Variants in ITGB3 observed in about 807,000 individuals in gnomAD.
The protein encoded by ITGB3 is integrin subunit beta 3, also known as integrin beta-3.
A neutral mutation model predicts 85.8 loss-of-function variants in ITGB3; 48 were observed. The ratio of observed to expected loss-of-function variants is 0.56; its 90% CI spans 0.44 to 0.71. The LOEUF (loss-of-function observed/expected upper bound fraction) is 0.71, where lower values mean the gene tolerates loss of function less well. Ranked by LOEUF, ITGB3 falls within the 30% of genes least tolerant of loss-of-function variation. The pLI is 0.00. For missense variants in ITGB3, 861 were observed against 1,019.1 expected, an observed-to-expected ratio of 0.84 and a Z score of 2.11; for synonymous variants, 363 against 395.6, an observed-to-expected ratio of 0.92 and a Z score of 0.98.
intron 1 of ITGB3, among the ~76,000 whole-genome samples, chr17:47,266,480 C>T (rs971724167): frequency 2.0e-5 from 3 of 152,202 alleles, no homozygotes. Flanking sequence ...TGTCTCTCTT[C>T]TGCTTCTGTG....
chr17:47,300,785 C>G (rs760050550), intron 12 of ITGB3, among the ~76,000 whole-genome samples: 4 of 152,152 alleles, frequency 2.6e-5, no homozygotes, highest in Non-Finnish European at 4.4e-5. Context: ...GTGCAGCCAT[C>G]CACCACTTCT....
chr17:47,280,940 C>A (rs910202834), intron 2 of ITGB3, among the ~76,000 whole-genome samples: 1 of 152,194 alleles, frequency 6.6e-6, no homozygotes, highest in Non-Finnish European at 1.5e-5. Flanking sequence ...GTCAGACAAT[C>A]TAGCTGGCCT....
At chr17:47,260,458 T>C (rs1420003633) in intron 1 of ITGB3, among the ~76,000 whole-genome samples, 1 of 152,202 alleles carries the variant, frequency 6.6e-6, no homozygotes, top group East Asian at 1.9e-4. Context: ...AACTTTGCAC[T>C]AGAAGAGAGC....
At chr17:47,294,891 G>C (rs894358234) in intron 10 of ITGB3, among the ~76,000 whole-genome samples, 1 of 152,190 alleles carries the variant, frequency 6.6e-6, no homozygotes, top group Non-Finnish European at 1.5e-5. Flanking sequence ...CTAGCCCATG[G>C]CCTGTAAGCA....
In ITGB3 at chr17:47,292,181, GAGA is replaced by G. The variant is rs1017133192; in HGVS notation, c.1306_1308del (p.Lys436del). On this transcript the variant is annotated inframe_deletion, in exon 10 of 15. Coordinates refer to ENST00000559488, the MANE Select transcript of ITGB3 (RefSeq NM_000212.3). ...GGCCAAGGTGCGAGGCTGTCCCCAG[GAGA>G]AGGAGAAGTCCTTTACCATAAAGCC... The G allele has an allele frequency of 1.2e-6, 2 of 1,614,204 alleles. No homozygotes were observed. The highest frequency in any genetic ancestry group is 1.7e-6 in the Non-Finnish European group (2 of 1,180,028).
chr17:47,307,324 T>C (rs1363113758), intron 13 of ITGB3, 147 bp from the exon 14 acceptor site: 10 of 850,086 alleles, frequency 1.2e-5, no homozygotes, highest in Non-Finnish European at 1.9e-5. Flanking sequence ...GTCCTAATGA[T>C]TGTCTCCTTA....
chr17:47,299,467 C>G lies in ITGB3; in HGVS notation c.1850C>G (p.Pro617Arg), dbSNP rs761812282. The change falls in exon 11 of 15, where the codon CCG (proline) becomes CGG (arginine). Residue 617 changes from proline to arginine, a missense_variant. Transcript: ENST00000559488. The surrounding 1 kb of genome is among the most constrained non-coding windows in gnomAD (Gnocchi z 5.1). ...TGTGGCAGCTGTGTCTGTATCCAGC[C>G]GGGCTCCTATGGGGACACCTGTGAG... ...CECGSCVCIQ[P>R]GSYGDTCEKC... 1 of 1,614,218 alleles carries G rather than the reference C, an allele frequency of 6.2e-7. No individual in the cohort carries two copies.
In ITGB3 at chr17:47,300,514, C is replaced by A; in HGVS notation, c.1950C>A (p.Ala650=). ...AGTGTAAGAAGTTTGACCGGGGAGC[C>A]CTACATGACGAAAATACCTGCAACC... ...CVECKKFDRG[A]LHDENTCNRY... The change falls in exon 12 of 15, where the codon GCC becomes GCA. Residue 650 remains alanine (A), a synonymous_variant. Transcript: ENST00000559488. 6.2e-7 allele frequency: 1 copy of A among 1,614,078 alleles called. No homozygotes were observed.
chr17:47,274,229 T>C (rs1731955837), intron 1 of ITGB3, among the ~76,000 whole-genome samples, 190 bp from the exon 2 acceptor site: 1 of 152,240 alleles, frequency 6.6e-6, no homozygotes, highest in African/African-American at 2.4e-5. Context: ...GAGTTTCTCC[T>C]GATTTTCCTC....
chr17:47,291,400 T>C, intron 9 of ITGB3: 1 of 558,970 alleles, frequency 1.8e-6, no homozygotes, highest in Non-Finnish European at 3.1e-6. Flanking sequence ...TTACCTTCAG[T>C]CCCTCACCAG....
intron 1 of ITGB3, 26 bp downstream of exon 1, chr17:47,253,966 G>T: frequency 1.5e-6 from 2 of 1,362,576 alleles, no homozygotes; most frequent in Non-Finnish European, 1.9e-6. Context: ...GCTCGGCAGC[G>T]TCGCAGCTGC....
At chr17:47,309,054 C>T (rs563578064) in intron 14 of ITGB3, among the ~76,000 whole-genome samples, 64 of 145,154 alleles carry the variant, frequency 4.4e-4, no homozygotes, top group African/African-American at 1.6e-3. Flanking sequence ...TTCCCTCCTT[C>T]CTTCTTTTTT....
chr17:47,290,668 A>G (rs545614879), intron 8 of ITGB3, among the ~76,000 whole-genome samples: 253 of 151,906 alleles, frequency 1.7e-3, no homozygotes, highest in African/African-American at 5.6e-3. Context: ...CAGTATTGGC[A>G]CTCCCCTTTT....
chr17:47,304,151 C>G (rs758327008), intron 13 of ITGB3, among the ~76,000 whole-genome samples: 3 of 152,158 alleles, frequency 2.0e-5, no homozygotes, highest in African/African-American at 7.2e-5. Context: ...CTCAGCCCCC[C>G]GCAAAGTGTT....
intron 1 of ITGB3, among the ~76,000 whole-genome samples, chr17:47,265,922 A>C (rs1255371823): frequency 6.6e-6 from 1 of 152,210 alleles, no homozygotes; most frequent in Non-Finnish European, 1.5e-5. Context: ...TGCTCAGAGC[A>C]CAGAGGTATG....
rs781602325 is a variant in ITGB3, at chr17:47,290,940, C to A, written c.1126-14C>A. The A allele has an allele frequency of 1.3e-5, 21 of 1,613,896 alleles. No individual in the cohort carries two copies. The East Asian group carries it at 4.7e-4, about 36-fold the overall frequency. ...AGTTCAATTTCTTGTCTTCTTGTGC[C>A]CCTTTCTGCTCAGAAAATCCGTTCT... On this transcript the variant is annotated splice_polypyrimidine_tract_variant and intron_variant, in intron 8 of 14. Transcript: ENST00000559488.
intron 1 of ITGB3, among the ~76,000 whole-genome samples, chr17:47,267,661 C>A (rs1268667446): frequency 6.6e-6 from 1 of 152,186 alleles, no homozygotes; most frequent in African/African-American, 2.4e-5. Context: ...TCCTAAAGAA[C>A]AAATCCCAGC....
chr17:47,300,425 A>G (rs1296981430), intron 11 of ITGB3, 53 bp from the exon 12 acceptor site: 3 of 1,304,380 alleles, frequency 2.3e-6, no homozygotes, highest in East Asian at 2.3e-5. Flanking sequence ...GGACTGGGAT[A>G]CGCTTAGGCT....
At chr17:47,300,452 T>C (rs1290731094) in intron 11 of ITGB3, 26 bp from the exon 12 acceptor site, 3 of 1,572,550 alleles carry the variant, frequency 1.9e-6, no homozygotes, top group Non-Finnish European at 2.6e-6. Flanking sequence ...TTCTTTGCCT[T>C]AATCACTGTG....
Sources: allele counts gnomAD v4.1 joint callset (sites outside exome capture counted in the v4.1 genomes callset), GRCh38; gene constraint gnomAD v4.1.1; non-coding constraint Gnocchi (gnomAD v3.1); transcripts MANE v1.5; gene names NCBI Gene and HGNC (gene_info 2026-07-23, HGNC 2026-07-21).